The following URM1 variants were observed in gnomAD, a reference collection of about 807,000 sequenced individuals.
The protein encoded by URM1 is ubiquitin-related modifier 1.
In URM1, 11 loss-of-function variants were observed where a neutral mutation model predicts 17.7. That is an observed-to-expected ratio of 0.62 (90% CI 0.39 to 1.03). The LOEUF (loss-of-function observed/expected upper bound fraction) is 1.03, where lower values mean the gene tolerates loss of function less well. URM1 is among the 50% of genes least tolerant of loss of function. The pLI is 0.00. For missense variants in URM1, 128 were observed against 129.2 expected, an observed-to-expected ratio of 0.99 and a Z score of 0.04; for synonymous variants, 48 against 50.6, an observed-to-expected ratio of 0.95 and a Z score of 0.22.
rs1833282080 is a variant in URM1 at position 128,389,789 on chromosome 9, T to A, written c.*55T>A. On this transcript the variant is annotated 3_prime_UTR_variant, in exon 5 of 5. Transcript: ENST00000372853. ...GAGGGGAGAACGAAGCAATCAGACA[T>A]CCCCTTGGGCCCTGCTTCCAGGTCT... is the stretch of plus-strand genomic sequence containing the variant. 7.5e-6 allele frequency: 12 copies of A among 1,610,122 alleles called. No homozygotes were observed. The East Asian group carries it at 2.7e-4, about 36-fold the overall frequency.
At chr9:128,371,478 C>T (rs961417201) in intron 1 of URM1, 63 bp downstream of exon 1, 2 of 1,563,918 alleles carry the variant, frequency 1.3e-6, no homozygotes, top group Non-Finnish European at 1.8e-6. Context: ...GAATTCCTTT[C>T]CTTCTGCCGT....
chr9:128,381,737 CA>C (rs34527345), intron 2 of URM1, among the ~76,000 whole-genome samples: 17,999 of 152,216 alleles, frequency 0.12, 2,707 homozygotes, highest in African/African-American at 0.36. Flanking sequence ...TTAGAGAAGT[CA>C]GGGGTCTCAC....
At chr9:128,388,327 G>A (rs564844963) in intron 3 of URM1, 3 of 1,007,370 alleles carry the variant, frequency 3.0e-6, no homozygotes, top group East Asian at 1.0e-4. Context: ...AGTGCAGCAC[G>A]GGTCTAGAAT....
intron 2 of URM1, among the ~76,000 whole-genome samples, chr9:128,386,903 G>A (rs546013651): frequency 1.3e-5 from 2 of 152,206 alleles, no homozygotes; most frequent in African/African-American, 2.4e-5. Context: ...TCCTCAAGTC[G>A]TCTAAGAGAA....
At chr9:128,371,985 C>T (rs1375125472) in intron 1 of URM1, among the ~76,000 whole-genome samples, 1 of 152,106 alleles carries the variant, frequency 6.6e-6, no homozygotes, top group Non-Finnish European at 1.5e-5. Flanking sequence ...CAGGTGGAGA[C>T]ACGGGGACAA....
chr9:128,385,824 G>A (rs1421417623), intron 2 of URM1, among the ~76,000 whole-genome samples: 1 of 151,892 alleles, frequency 6.6e-6, no homozygotes, highest in African/African-American at 2.4e-5. Flanking sequence ...GAGTGGCGAT[G>A]CGGTAGCCTC....
chr9:128,388,658 G>A lies in URM1; in HGVS notation c.189-603G>A, dbSNP rs1298286946. 6.1e-6 allele frequency: 6 copies of A among 986,176 alleles called. No individual in the cohort carries two copies. In the East Asian group the frequency reaches 5.7e-4, roughly 93 times the overall value. The allele number at this position is 986,176 out of a possible 1,614,324, so 61.1% of individuals were successfully genotyped here. On this transcript the variant is annotated intron_variant, in intron 3 of 4. Coordinates refer to ENST00000372853, the MANE Select transcript of URM1 (RefSeq NM_030914.4). ...AGCAGTGCTCCTTGGGCCATTACCA[G>A]TGGGAGCCAGGCTAAGCTGCCTGAC...
intron 1 of URM1, 27 bp from the exon 2 acceptor site, chr9:128,378,009 G>C (rs1011018719): frequency 4.3e-6 from 7 of 1,610,184 alleles, no homozygotes; most frequent in Admixed American, 1.7e-5. Context: ...TCACCTGGCT[G>C]TCTTTTTCTC....
intron 4 of URM1, 164 bp from the exon 5 acceptor site, chr9:128,389,499 ACTC>A (rs1226628139): frequency 4.5e-6 from 7 of 1,553,512 alleles, no homozygotes; most frequent in Admixed American, 2.0e-5. Context: ...ACATGGGAGT[ACTC>A]CTCCATCCTG....
At chr9:128,374,012 A>G (rs28652815) in intron 1 of URM1, among the ~76,000 whole-genome samples, 7,374 of 152,308 alleles carry the variant, frequency 0.048, 325 homozygotes, top group African/African-American at 0.11. Flanking sequence ...ACTGGTATCT[A>G]CAAACACATC....
Position 128,387,516 on chromosome 9 carries a change from C to T in URM1, c.107-300C>T, listed in dbSNP as rs551348932. On this transcript the variant is annotated intron_variant, in intron 2 of 4. Coordinates refer to ENST00000372853, the MANE Select transcript of URM1 (RefSeq NM_030914.4). This position sits in a 1 kb window ranked among gnomAD's most constrained non-coding sequence, Gnocchi z 4.3. ...GGCCTGTCTCCTAACCCTTTAGATG[C>T]GACAGTCCTCCCGCCGTCTGCCTTG... Among the ~76,000 whole-genome samples the T allele has an allele frequency of 3.3e-5, 5 of 152,260 alleles. No individual in the cohort carries two copies. Among genetic ancestry groups the T allele is most frequent in the African/African-American group, 4.8e-5 (2 of 41,546 alleles).
At chr9:128,377,984 C>T (rs1341325216) in intron 1 of URM1, 52 bp from the exon 2 acceptor site, 7 of 1,604,318 alleles carry the variant, frequency 4.4e-6, no homozygotes, top group Non-Finnish European at 6.0e-6. Context: ...GCTACCTCTT[C>T]CTATTTGCAG....
At chr9:128,388,432 G>C in intron 3 of URM1, 1 of 986,122 alleles carries the variant, frequency 1.0e-6, no homozygotes, top group Non-Finnish European at 1.2e-6. Context: ...CAGTCTCCTT[G>C]GAAAGGACCA....
chr9:128,376,218 G>A (rs532440760), intron 1 of URM1, among the ~76,000 whole-genome samples: 8 of 152,076 alleles, frequency 5.3e-5, no homozygotes, highest in East Asian at 3.9e-4. Flanking sequence ...ATAAAATTAG[G>A]CAGGTGTGGT....
At chr9:128,373,102 A>G (rs946108568) in intron 1 of URM1, among the ~76,000 whole-genome samples, 6 of 151,928 alleles carry the variant, frequency 3.9e-5, no homozygotes, top group African/African-American at 7.3e-5. Flanking sequence ...TTCTGACCCA[A>G]TCATCTCTAA....
intron 4 of URM1, 95 bp downstream of exon 4, chr9:128,389,404 TG>T: frequency 6.2e-7 from 1 of 1,610,474 alleles, no homozygotes; most frequent in Non-Finnish European, 8.5e-7. Context: ...ATAGAGTGGC[TG>T]GGTAATCCTC....
intron 3 of URM1, 131 bp from the exon 4 acceptor site, chr9:128,389,130 T>C (rs1833268615): frequency 1.4e-6 from 2 of 1,477,548 alleles, no homozygotes; most frequent in African/African-American, 2.8e-5. Flanking sequence ...TCCTGGGATA[T>C]CTTTAGCCAG....
At chr9:128,388,092 T>A in intron 3 of URM1, 195 bp downstream of exon 3, 1 of 1,339,308 alleles carries the variant, frequency 7.5e-7, no homozygotes, top group Non-Finnish European at 9.5e-7. Flanking sequence ...AAATCCCAGA[T>A]GAAAGGAGCC....
chr9:128,386,798 C>G (rs1012723236), intron 2 of URM1, among the ~76,000 whole-genome samples: 6 of 152,238 alleles, frequency 3.9e-5, no homozygotes, highest in African/African-American at 1.4e-4. Flanking sequence ...TAGTCCAGGA[C>G]AGCAGACCCC....
Sources: gnomAD v4.1 joint callset for allele counts (sites outside exome capture counted in the v4.1 genomes callset) on GRCh38, gnomAD v4.1.1 for gene constraint, Gnocchi (gnomAD v3.1) non-coding constraint, MANE v1.5 for transcripts, NCBI Gene and HGNC (gene_info 2026-07-23, HGNC 2026-07-21) for gene names.